GAS6: variants seen among roughly 807,000 people sequenced by gnomAD.
GAS6 encodes the protein growth arrest-specific protein 6.
A neutral mutation model predicts 75.8 loss-of-function variants in GAS6; 41 were observed. The ratio of observed to expected loss-of-function variants is 0.54; its 90% CI spans 0.42 to 0.70. The LOEUF (loss-of-function observed/expected upper bound fraction) is 0.70. Among genes scored for constraint, GAS6 ranks in the 30% least tolerant of loss-of-function variants. The probability of loss-of-function intolerance (pLI) is 0.00; values close to 1 mark genes in which losing one functional copy is unlikely to be tolerated. For missense variants in GAS6, 854 were observed against 940.2 expected (o/e 0.91, Z 1.20); for synonymous variants, 432 against 412.6 (o/e 1.05, Z -0.57).
At chr13:113,856,989 G>A (rs1483750480) in intron 2 of GAS6, among the ~76,000 whole-genome samples, 1 of 152,232 alleles carries the variant, frequency 6.6e-6, no homozygotes, top group African/African-American at 2.4e-5. Context: ...TCCAGCCACT[G>A]CAGTGACCGG....
At chr13:113,858,834 CAT>C (rs1408115561) in intron 2 of GAS6, among the ~76,000 whole-genome samples, 8 of 135,328 alleles carry the variant, frequency 5.9e-5, no homozygotes, top group Admixed American at 4.3e-4. Context: ...TGTATGTGTA[CAT>C]GTCTGTTAGT....
intron 3 of GAS6, chr13:113,847,042 C>T (rs778101872): frequency 1.6e-5 from 8 of 506,248 alleles, no homozygotes; most frequent in East Asian, 1.1e-4. Flanking sequence ...GCAGACATCC[C>T]GCTAGGGCGG....
chr13:113,823,657 T>C (rs2051491698), intron 12 of GAS6, 107 bp from the exon 13 acceptor site: 2 of 1,115,042 alleles, frequency 1.8e-6, no homozygotes, highest in Non-Finnish European at 2.6e-6. Context: ...TGGGAAGCTG[T>C]GCAGACAGCC....
chr13:113,848,712 G>C lies in GAS6; in HGVS notation c.256-662C>G, dbSNP rs982868057. On this transcript the variant is annotated intron_variant, in intron 2 of 14. Transcript: ENST00000327773. This position sits in a 1 kb window ranked among gnomAD's most constrained non-coding sequence, Gnocchi z 4.8. ...TAGGGTCAACCATGCCAGCAGTTTG[G>C]CCCTAAATGCTCTAAACCAAGAGAC... Among the ~76,000 whole-genome samples the C allele has an allele frequency of 1.3e-5, 2 of 152,124 alleles. No homozygotes were observed. The highest frequency in any genetic ancestry group is 2.9e-5 in the Non-Finnish European group (2 of 68,014).
chr13:113,823,201 C>T (rs1316031029), intron 13 of GAS6, 174 bp downstream of exon 13: 1 of 653,904 alleles, frequency 1.5e-6, no homozygotes, highest in African/African-American at 1.8e-5. Context: ...TCCAAACAAC[C>T]CCCGCAGCCC....
At chr13:113,824,819 A>G (rs2051513421) in intron 12 of GAS6, among the ~76,000 whole-genome samples, 1 of 152,242 alleles carries the variant, frequency 6.6e-6, no homozygotes, top group African/African-American at 2.4e-5. Context: ...AAAATCAGAA[A>G]AAGTAACAAA....
intron 2 of GAS6, among the ~76,000 whole-genome samples, chr13:113,852,526 T>C (rs2051883917): frequency 6.6e-6 from 1 of 152,158 alleles, no homozygotes; most frequent in Admixed American, 6.5e-5. Flanking sequence ...GTTATAAAAC[T>C]ACAGAAAGTG....
intron 2 of GAS6, among the ~76,000 whole-genome samples, chr13:113,849,379 C>T (rs1279912965): frequency 3.3e-5 from 5 of 152,152 alleles, no homozygotes; most frequent in Non-Finnish European, 7.4e-5. Context: ...CAAGAACAGC[C>T]ATACCAAGTG....
In GAS6 at chr13:113,848,960, A is replaced by T. The variant is rs1430871356; in HGVS notation, c.256-910T>A. Among the ~76,000 whole-genome samples the T allele has an allele frequency of 7.9e-5, 12 of 152,342 alleles. No individual in the cohort carries two copies. In the East Asian group the frequency reaches 1.7e-3, roughly 22 times the overall value. On this transcript the variant is annotated intron_variant, in intron 2 of 14. Coordinates refer to ENST00000327773, the MANE Select transcript of GAS6 (RefSeq NM_000820.4). The surrounding 1 kb of genome is among the most constrained non-coding windows in gnomAD (Gnocchi z 4.8). ...TAGCATTTTGCAGAGTAGCAGACAG[A>T]GGCGGTAGGTACCCAGCGCCGTCTG... is the stretch of plus-strand genomic sequence containing the variant.
At chr13:113,826,467 T>C (rs2051543382) in intron 12 of GAS6, among the ~76,000 whole-genome samples, 1 of 128,760 alleles carries the variant, frequency 7.8e-6, no homozygotes. Flanking sequence ...GGCGCCGGCC[T>C]CGCAGGCACC....
At chr13:113,849,408 G>A (rs1355181113) in intron 2 of GAS6, among the ~76,000 whole-genome samples, 1 of 152,172 alleles carries the variant, frequency 6.6e-6, no homozygotes, top group Non-Finnish European at 1.5e-5. Flanking sequence ...TGGAGTCCTG[G>A]AGCAACACGA....
At chr13:113,828,074 G>A (rs2051574921) in intron 11 of GAS6, among the ~76,000 whole-genome samples, 1 of 152,048 alleles carries the variant, frequency 6.6e-6, no homozygotes. Flanking sequence ...AGAAGATCGA[G>A]ACCACGGCGA....
At chr13:113,834,943 G>A (rs2051683193) in intron 7 of GAS6, among the ~76,000 whole-genome samples, 1 of 152,260 alleles carries the variant, frequency 6.6e-6, no homozygotes, top group Non-Finnish European at 1.5e-5. Context: ...CACCCCCGCT[G>A]CCGGGCCGGT....
intron 2 of GAS6, among the ~76,000 whole-genome samples, chr13:113,859,144 A>C (rs1178807037): frequency 1.4e-5 from 2 of 147,328 alleles, no homozygotes; most frequent in East Asian, 4.2e-4. Context: ...GTCTATGTGA[A>C]TGTGTGCATG....
At chr13:113,860,457 C>T (rs868704889) in intron 2 of GAS6, among the ~76,000 whole-genome samples, 5 of 152,200 alleles carry the variant, frequency 3.3e-5, no homozygotes, top group Middle Eastern at 3.4e-3. Context: ...TCTCTAGTCT[C>T]GGATCATTTC....
At chr13:113,854,349 G>A (rs2051897542) in intron 2 of GAS6, among the ~76,000 whole-genome samples, 1 of 152,232 alleles carries the variant, frequency 6.6e-6, no homozygotes, top group Admixed American at 6.5e-5. Flanking sequence ...GGGCTTCATG[G>A]CAAACGAGAC....
chr13:113,850,366 A>G (rs80283940), intron 2 of GAS6, among the ~76,000 whole-genome samples: 12,536 of 151,952 alleles, frequency 0.082, 653 homozygotes, highest in East Asian at 0.17. Context: ...TTATGTACAC[A>G]CTGACTCTCT....
chr13:113,823,088 G>A, intron 13 of GAS6: 1 of 359,706 alleles, frequency 2.8e-6, no homozygotes, highest in Non-Finnish European at 5.0e-6. Context: ...AGATTGCTGT[G>A]AGCCACCATC....
chr13:113,823,608 G>A, intron 12 of GAS6, 58 bp from the exon 13 acceptor site: 2 of 1,522,752 alleles, frequency 1.3e-6, no homozygotes, highest in Non-Finnish European at 1.8e-6. Flanking sequence ...CCACAGTGAG[G>A]TCGGAGCAGG....
Sources: allele counts gnomAD v4.1 joint callset (sites outside exome capture counted in the v4.1 genomes callset), GRCh38; gene constraint gnomAD v4.1.1; non-coding constraint Gnocchi (gnomAD v3.1); transcripts MANE v1.5; gene names NCBI Gene and HGNC (gene_info 2026-07-23, HGNC 2026-07-21).